The following CCDC81 variants were observed in gnomAD, a reference collection of about 807,000 sequenced individuals.
CCDC81 encodes coiled-coil domain containing 81.
Under a neutral mutation model 83.7 loss-of-function variants are expected in CCDC81, and 79 were observed. The observed-to-expected ratio is 0.94, with a 90% CI of 0.79 to 1.14. The LOEUF (loss-of-function observed/expected upper bound fraction) is 1.14. CCDC81 is among the 50% of genes most tolerant of loss of function. The pLI is 0.00. For synonymous variants in CCDC81, 252 were observed against 278.1 expected (o/e 0.91, Z 0.93); for missense variants, 791 against 778.1 (o/e 1.02, Z -0.20).
chr11:86,415,123 T>C lies in CCDC81; in HGVS notation c.1501T>C (p.Phe501Leu). 1 of 1,614,190 alleles carries C rather than the reference T, an allele frequency of 6.2e-7. No individual in the cohort carries two copies. Among genetic ancestry groups the C allele is most frequent in the Middle Eastern group, 1.6e-4 (1 of 6,062 alleles). Reference sequence around the variant, plus strand: ...GAACAAACCCTCTCGGCTGCCCCCCTTTGAGCCAGACTCCTCTGAGCCCAT... The same window carrying C: ...GAACAAACCCTCTCGGCTGCCCCCCCTTGAGCCAGACTCCTCTGAGCCCAT... ...IKNKPSRLPPFEPDSSEPIFG... is the reference protein window; with the variant it reads ...IKNKPSRLPPLEPDSSEPIFG... Residue 501 changes from phenylalanine to leucine, a missense_variant, in exon 13 of 15, where the codon TTT (phenylalanine) becomes CTT (leucine). Coordinates refer to ENST00000445632, the MANE Select transcript of CCDC81 (RefSeq NM_001156474.2).
chr11:86,377,423 T>C (rs1165404423), intron 1 of CCDC81, among the ~76,000 whole-genome samples: 1 of 152,218 alleles, frequency 6.6e-6, no homozygotes, highest in South Asian at 2.1e-4. Context: ...CCAAGAGCGA[T>C]GAATGAGAAT....
intron 13 of CCDC81, among the ~76,000 whole-genome samples, chr11:86,415,830 C>A (rs941949335): frequency 6.6e-6 from 1 of 152,218 alleles, no homozygotes; most frequent in African/African-American, 2.4e-5. Context: ...AGTGCCAGCA[C>A]GCCCAGCTAA....
rs368347092 is a variant in CCDC81 at position 86,415,202 on chromosome 11, A to G, written c.1580A>G (p.Asn527Ser). Residue 527 changes from asparagine (N) to serine (S), a missense_variant, in exon 13 of 15, where the codon AAT becomes AGT. Transcript: ENST00000445632. ...LMVEKQKREQ[N>S]YMKHQLEAAA... ...GTGGAAAAGCAAAAGCGAGAACAAA[A>G]TTACATGAAACACCAGCTGGAGGCA... 3.1e-6 allele frequency: 5 copies of G among 1,614,112 alleles called. No homozygotes were observed. The East Asian group carries it at 6.7e-5, about 22-fold the overall frequency.
At chr11:86,397,499 T>C in intron 5 of CCDC81, 122 bp from the exon 6 acceptor site, 1 of 1,212,162 alleles carries the variant, frequency 8.2e-7, no homozygotes, top group Non-Finnish European at 1.1e-6. Flanking sequence ...CACTCACCCC[T>C]TGAAGAAAGT....
chr11:86,417,392 A>T (rs1948735181), intron 13 of CCDC81, among the ~76,000 whole-genome samples: 1 of 151,994 alleles, frequency 6.6e-6, no homozygotes, highest in Non-Finnish European at 1.5e-5. Context: ...AAATTTAAAC[A>T]ATTTTTCCTT....
Position 86,409,330 on chromosome 11 carries a change from A to G in CCDC81, c.1183A>G (p.Ile395Val), listed in dbSNP as rs1377646937. 1.1e-5 allele frequency: 17 copies of G among 1,539,776 alleles called. No homozygotes were observed. Among genetic ancestry groups the G allele is most frequent in the Non-Finnish European group, 1.4e-5 (16 of 1,145,746 alleles). The change falls in exon 10 of 15, where the codon ATA becomes GTA. Residue 395 changes from isoleucine to valine, a missense_variant. Ile to Val is a conservative substitution (Grantham distance 29). Coordinates refer to ENST00000445632, the MANE Select transcript of CCDC81 (RefSeq NM_001156474.2). ...CTATAATCTTGGAGTTGCTGAAGCTATAAGAAACCACAAGAATGAGAAACC... is the reference window on the plus strand; with the variant it reads ...CTATAATCTTGGAGTTGCTGAAGCTGTAAGAAACCACAAGAATGAGAAACC... Reference protein sequence around the residue: ...AAYNLGVAEAIRNHKNEKPEF... With the variant: ...AAYNLGVAEAVRNHKNEKPEF...
At position 86,397,760 on chromosome 11, in the gene CCDC81, G is replaced by C. The variant is rs879015359; in HGVS notation, c.757+18G>C. 6.2e-7 allele frequency: 1 copy of C among 1,607,884 alleles called. No homozygotes were observed. The highest frequency in any genetic ancestry group is 1.1e-5 in the South Asian group (1 of 89,802). ...CACCAGAGGTAGGCCAATGATTTCTGGGTCCAATCTGTCACTCTTTACTGC... is the reference window on the plus strand; with the variant it reads ...CACCAGAGGTAGGCCAATGATTTCTCGGTCCAATCTGTCACTCTTTACTGC... On this transcript the variant is annotated intron_variant, in intron 6 of 14. Transcript: ENST00000445632.
At chr11:86,416,400 C>A (rs1287479346) in intron 13 of CCDC81, among the ~76,000 whole-genome samples, 4 of 152,172 alleles carry the variant, frequency 2.6e-5, no homozygotes, top group Non-Finnish European at 5.9e-5. Flanking sequence ...AGATATGGGA[C>A]CCTCTGTATT....
At position 86,395,397 on chromosome 11, in the gene CCDC81, G is replaced by A; in HGVS notation, c.619G>A (p.Val207Met). 2 of 1,614,064 alleles carry A rather than the reference G, an allele frequency of 1.2e-6. No homozygotes were observed. Among genetic ancestry groups the A allele is most frequent in the Non-Finnish European group, 1.7e-6 (2 of 1,179,958 alleles). The change falls in exon 5 of 15, where the codon GTG (valine) becomes ATG (methionine). Residue 207 changes from valine to methionine, a missense_variant. Val to Met is a conservative substitution (Grantham distance 21, BLOSUM62 1). Coordinates refer to ENST00000445632, the MANE Select transcript of CCDC81 (RefSeq NM_001156474.2). ...REALRKWPSS[V>M]LAFPRIELKE... ...GGCCTTGAGGAAGTGGCCCAGCAGT[G>A]TGCTTGCGTTTCCAAGGTGAGTGCT...
At chr11:86,383,167 G>T (rs1251140611) in intron 1 of CCDC81, among the ~76,000 whole-genome samples, 2 of 152,172 alleles carry the variant, frequency 1.3e-5, no homozygotes, top group Non-Finnish European at 2.9e-5. Flanking sequence ...TCATTTTACA[G>T]ATGTGAACTG....
At chr11:86,415,412 A>G (rs1472071592) in intron 13 of CCDC81, 99 bp downstream of exon 13, 13 of 887,712 alleles carry the variant, frequency 1.5e-5, no homozygotes, top group Non-Finnish European at 1.8e-6. Context: ...CATCTTTCTC[A>G]TACAATAGTG....
chr11:86,397,777 C>T (rs117348514), intron 6 of CCDC81, 35 bp downstream of exon 6: 24,534 of 1,600,246 alleles, frequency 0.015, 244 homozygotes, highest in South Asian at 0.022. Flanking sequence ...ATCTGTCACT[C>T]TTTACTGCTA....
chr11:86,412,314 T>C lies in CCDC81; in HGVS notation c.1219-73T>C, dbSNP rs187970330. ...AAATTAAGAAATACTTTCTGATTTA[T>C]CTTAGTCTTCTGAATTATTAACCTT... is the stretch of plus-strand genomic sequence containing the variant. On this transcript the variant is annotated intron_variant, in intron 10 of 14. Coordinates refer to ENST00000445632, the MANE Select transcript of CCDC81 (RefSeq NM_001156474.2). 9.0e-5 allele frequency: 105 copies of C among 1,161,854 alleles called. No homozygotes were observed. In the East Asian group the frequency reaches 2.4e-3, roughly 27 times the overall value. 72.0% of individuals were successfully genotyped at this position (1,161,854 alleles called of 1,614,324 possible).
intron 13 of CCDC81, among the ~76,000 whole-genome samples, chr11:86,415,699 G>T (rs1264718958): frequency 6.6e-6 from 1 of 152,006 alleles, no homozygotes; most frequent in African/African-American, 2.4e-5. Flanking sequence ...ATTGAGACAG[G>T]GTTTTGCTCT....
intron 14 of CCDC81, among the ~76,000 whole-genome samples, chr11:86,421,700 A>G (rs1350857823): frequency 6.6e-6 from 1 of 152,162 alleles, no homozygotes; most frequent in African/African-American, 2.4e-5. Context: ...ATGGATTGCT[A>G]GAGTTCAGAA....
chr11:86,387,711 A>G (rs1322327446), intron 3 of CCDC81, 39 bp downstream of exon 3: 3 of 1,447,688 alleles, frequency 2.1e-6, no homozygotes, highest in Non-Finnish European at 2.9e-6. Flanking sequence ...CCAGAAGGTT[A>G]CTGTCCTGGG....
intron 1 of CCDC81, among the ~76,000 whole-genome samples, chr11:86,378,563 T>A (rs1948130398): frequency 6.6e-6 from 1 of 152,230 alleles, no homozygotes; most frequent in African/African-American, 2.4e-5. Context: ...TTCTGATAGG[T>A]GAGTACTGAA....
intron 3 of CCDC81, among the ~76,000 whole-genome samples, chr11:86,390,548 T>C (rs973722812): frequency 6.6e-6 from 1 of 152,182 alleles, no homozygotes; most frequent in African/African-American, 2.4e-5. Context: ...AGAAAGATAC[T>C]CTTTCAGTTA....
chr11:86,379,947 T>C (rs1421766863), intron 1 of CCDC81, among the ~76,000 whole-genome samples: 1 of 152,092 alleles, frequency 6.6e-6, no homozygotes, highest in Non-Finnish European at 1.5e-5. Flanking sequence ...GACTGCACCG[T>C]TGCACTCCAG....
Sources: allele counts gnomAD v4.1 joint callset (sites outside exome capture counted in the v4.1 genomes callset), GRCh38; gene constraint gnomAD v4.1.1; transcripts MANE v1.5; gene names NCBI Gene and HGNC (gene_info 2026-07-23, HGNC 2026-07-21).